GNE: variants seen among roughly 807,000 people sequenced by gnomAD.
GNE encodes the protein bifunctional UDP-N-acetylglucosamine 2-epimerase/N-acetylmannosamine kinase.
Under a neutral mutation model 61.8 loss-of-function variants are expected in GNE, and 41 were observed. That is an observed-to-expected ratio of 0.66 (90% confidence interval 0.52 to 0.86). The LOEUF (loss-of-function observed/expected upper bound fraction) is 0.86, where lower values mean the gene tolerates loss of function less well. Among genes scored for constraint, GNE ranks in the 40% least tolerant of loss-of-function variants. The pLI, the probability that GNE is intolerant of heterozygous loss-of-function variation, is 0.00. For missense variants in GNE, 608 were observed against 909.1 expected, an observed-to-expected ratio of 0.67 and a Z score of 4.26; for synonymous variants, 264 against 326.4, an observed-to-expected ratio of 0.81 and a Z score of 2.06.
intron 4 of GNE, 63 bp from the exon 5 acceptor site, chr9:36,234,195 G>T: frequency 8.1e-7 from 1 of 1,240,678 alleles, no homozygotes; most frequent in Non-Finnish European, 1.2e-6. Flanking sequence ...ATTTTCATTG[G>T]CAAGTATAGC....
chr9:36,252,467 C>G (rs1830145722), intron 1 of GNE, among the ~76,000 whole-genome samples: 1 of 152,036 alleles, frequency 6.6e-6, no homozygotes, highest in Admixed American at 6.6e-5. Context: ...TTACAAAGAA[C>G]AGTAAATGTT....
chr9:36,231,066 T>TAAAAAAAAAAAAAAAA (rs529903965), intron 5 of GNE, among the ~76,000 whole-genome samples: 2 of 68,372 alleles, frequency 2.9e-5, no homozygotes, highest in African/African-American at 9.1e-5. Flanking sequence ...ACTGCTTCAC[T>TAAAAAAAAAAAAAAAA]AAAAAAAAAA....
chr9:36,257,401 T>C (rs1341092666), intron 1 of GNE, among the ~76,000 whole-genome samples: 1 of 152,122 alleles, frequency 6.6e-6, no homozygotes, highest in Non-Finnish European at 1.5e-5. Flanking sequence ...ACTGCGGCGC[T>C]CCTACAGTTG....
At chr9:36,272,355 C>G in intron 1 of GNE, among the ~76,000 whole-genome samples, 1 of 152,122 alleles carries the variant, frequency 6.6e-6, no homozygotes. Context: ...GGTGTGGTGG[C>G]TCAAGCCTGT....
chr9:36,267,112 A>G (rs1205755717), intron 1 of GNE, among the ~76,000 whole-genome samples: 2 of 152,230 alleles, frequency 1.3e-5, no homozygotes. Flanking sequence ...AATATCCTAA[A>G]CTGTATCAGC....
In GNE at chr9:36,219,834, C is replaced by A. The variant is rs760700813; in HGVS notation, c.1816+4G>T. ...ACTTAATTCCTCGAGAGAGGGACAC[C>A]AACCATCATGGAGCTTTTTTGCCTC... is the stretch of plus-strand genomic sequence containing the variant. On this transcript the variant is annotated splice_donor_region_variant and intron_variant, in intron 10 of 11. Coordinates refer to ENST00000642385, the MANE Select transcript of GNE (RefSeq NM_005476.7). 10 of 1,613,064 alleles carry A rather than the reference C, an allele frequency of 6.2e-6. 1 individual carries two copies. Among genetic ancestry groups the A allele is most frequent in the South Asian group, 1.1e-5 (1 of 91,060 alleles).
At chr9:36,231,779 A>G (rs558937278) in intron 5 of GNE, among the ~76,000 whole-genome samples, 2 of 152,266 alleles carry the variant, frequency 1.3e-5, no homozygotes, top group South Asian at 2.1e-4. Context: ...CTGACAACCA[A>G]TTATGCATCA....
At chr9:36,274,384 TTG>T (rs1258736558) in intron 1 of GNE, among the ~76,000 whole-genome samples, 4 of 152,096 alleles carry the variant, frequency 2.6e-5, no homozygotes, top group Non-Finnish European at 5.9e-5. Context: ...ATGTGAGCCA[TTG>T]TGTCAGGCTC....
chr9:36,244,180 C>T (rs1033221199), intron 3 of GNE, among the ~76,000 whole-genome samples: 1 of 151,800 alleles, frequency 6.6e-6, no homozygotes, highest in East Asian at 1.9e-4. Context: ...CCCAGGCTGG[C>T]CTTGTAACTC....
At chr9:36,249,604 A>C (rs967569053) in intron 1 of GNE, among the ~76,000 whole-genome samples, 2 of 151,914 alleles carry the variant, frequency 1.3e-5, no homozygotes, top group Non-Finnish European at 2.9e-5. Flanking sequence ...CAAGGCTGGG[A>C]GTGGTGGCTT....
At chr9:36,240,328 A>G (rs1208276660) in intron 3 of GNE, among the ~76,000 whole-genome samples, 7 of 152,194 alleles carry the variant, frequency 4.6e-5, no homozygotes, top group African/African-American at 1.7e-4. Context: ...ACATTAAGGT[A>G]TGTCCCTTGT....
chr9:36,248,026 CAAAAAAA>C (rs34605685), intron 2 of GNE, among the ~76,000 whole-genome samples: 4 of 80,862 alleles, frequency 4.9e-5, no homozygotes, highest in Non-Finnish European at 7.2e-5. Context: ...AACTCCGTCT[CAAAAAAA>C]AAAAAAAAAA....
intron 2 of GNE, among the ~76,000 whole-genome samples, chr9:36,248,935 A>G (rs144767431): frequency 1.3e-5 from 2 of 152,326 alleles, no homozygotes; most frequent in African/African-American, 4.8e-5. Flanking sequence ...CCATTTATCA[A>G]TCATCTACTA....
intron 3 of GNE, among the ~76,000 whole-genome samples, chr9:36,241,676 A>G (rs896721972): frequency 6.6e-6 from 1 of 151,984 alleles, no homozygotes; most frequent in Non-Finnish European, 1.5e-5. Context: ...AAAGTCCTAT[A>G]TTTACTGTGA....
rs34605685 is a variant in GNE at position 36,248,026 on chromosome 9, CAAA to C, written c.164+1163_164+1165del. On this transcript the variant is annotated intron_variant, in intron 2 of 11. Transcript: ENST00000642385. ...GGGCAACAAGAGCAAAACTCCGTCT[CAAA>C]AAAAAAAAAAAAAAAAAAAATCTGT... Among the ~76,000 whole-genome samples the C allele has an allele frequency of 2.1e-3, 167 of 80,794 alleles. 1 individual carries two copies. The Middle Eastern group carries it at 0.028, about 14-fold the overall frequency. The allele number at this position is 80,794 out of a possible 152,430, so 53.0% of individuals were successfully genotyped here. A position where few individuals can be genotyped will look rare whatever the true frequency, so the allele number is the denominator to read the frequency against.
In GNE at chr9:36,276,941, C is replaced by T. The variant is rs1403279875; in HGVS notation, c.4G>A (p.Glu2Lys). ...TCCCTCTGCAGATAACCATAGGTTT[C>T]CATCCCGAAGCACGAGCTCTGTACC... Residue 2 changes from glutamate (E) to lysine (K), a missense_variant, in exon 1 of 12, where the codon GAA becomes AAA. Coordinates refer to the GNE transcript ENST00000396594. 2 of 1,613,254 alleles carry T rather than the reference C, an allele frequency of 1.2e-6. No individual in the cohort carries two copies. The highest frequency in any genetic ancestry group is 1.1e-5 in the South Asian group (1 of 90,996).
rs2132998325 is a variant in GNE at position 36,218,402 on chromosome 9, T to C, written c.1817-103A>G. On this transcript the variant is annotated intron_variant, in intron 10 of 11. Coordinates refer to ENST00000642385, the MANE Select transcript of GNE (RefSeq NM_005476.7). The surrounding 1 kb of genome is among the most constrained non-coding windows in gnomAD (Gnocchi z 4.1). Reference sequence around the variant, plus strand: ...AAGCCCCTACATGGGAAGACGGTGTTTTCTTTTCACAATTGCAAAGCTTAT... The same window carrying C: ...AAGCCCCTACATGGGAAGACGGTGTCTTCTTTTCACAATTGCAAAGCTTAT... The C allele has an allele frequency of 1.2e-6, 1 of 810,720 alleles. No homozygotes were observed. The highest frequency in any genetic ancestry group is 2.2e-6 in the Non-Finnish European group (1 of 465,000). The allele number at this position is 810,720 out of a possible 1,614,324, so 50.2% of individuals were successfully genotyped here. A position where few individuals can be genotyped will look rare whatever the true frequency, so the allele number is the denominator to read the frequency against.
intron 3 of GNE, among the ~76,000 whole-genome samples, chr9:36,237,784 A>G (rs1829456123): frequency 6.6e-6 from 1 of 152,000 alleles, no homozygotes; most frequent in Non-Finnish European, 1.5e-5. Flanking sequence ...ACTCTGTACC[A>G]TATTTGTAGT....
At chr9:36,220,159 G>T in intron 9 of GNE, 139 bp from the exon 10 acceptor site, 1 of 737,964 alleles carries the variant, frequency 1.4e-6, no homozygotes, top group Non-Finnish European at 2.4e-6. Context: ...AGCCCACTAG[G>T]CATCAAAGCA....
Sources: gnomAD v4.1 joint callset for allele counts (sites outside exome capture counted in the v4.1 genomes callset) on GRCh38, gnomAD v4.1.1 for gene constraint, Gnocchi (gnomAD v3.1) non-coding constraint, MANE v1.5 for transcripts, NCBI Gene and HGNC (gene_info 2026-07-23, HGNC 2026-07-21) for gene names.